The following CSGALNACT1 variants were observed in gnomAD, a reference collection of about 807,000 sequenced individuals.
CSGALNACT1 encodes chondroitin sulfate N-acetylgalactosaminyltransferase 1, also known as beta4GalNAcT-1.
In CSGALNACT1, 52 loss-of-function variants were observed where a neutral mutation model predicts 51.0. The ratio of observed to expected loss-of-function variants is 1.02; its 90% CI spans 0.82 to 1.29. CSGALNACT1 has a LOEUF of 1.29. Among genes scored for constraint, CSGALNACT1 ranks in the 50% most tolerant of loss-of-function variants. CSGALNACT1 has a pLI of 0.00. For synonymous variants in CSGALNACT1, 341 were observed against 254.4 expected (o/e 1.34, Z -3.24); for missense variants, 935 against 679.2 (o/e 1.38, Z -4.19).
chr8:19,529,985 C>G (rs2082423028), intron 3 of CSGALNACT1, among the ~76,000 whole-genome samples: 1 of 152,094 alleles, frequency 6.6e-6, no homozygotes, highest in Non-Finnish European at 1.5e-5. Flanking sequence ...CTTAGGAAGG[C>G]TGAGGTGAGC....
intron 3 of CSGALNACT1, among the ~76,000 whole-genome samples, chr8:19,555,689 A>G (rs1221117913): frequency 3.3e-5 from 5 of 152,198 alleles, no homozygotes; most frequent in Admixed American, 6.5e-5. Flanking sequence ...TTCACTTAGC[A>G]TGTTACGGGT....
intron 3 of CSGALNACT1, among the ~76,000 whole-genome samples, chr8:19,507,198 G>A (rs2077500311): frequency 6.6e-6 from 1 of 152,210 alleles, no homozygotes; most frequent in Non-Finnish European, 1.5e-5. Flanking sequence ...GAAGGGATGA[G>A]GATGGGAGAA....
At position 19,506,016 on chromosome 8, in the gene CSGALNACT1, C is replaced by T. The variant is rs546680611; in HGVS notation, c.-182G>A. The T allele has an allele frequency of 2.9e-4, 212 of 730,514 alleles. 4 individuals are homozygous for T. In the African/African-American group the frequency reaches 3.3e-3, roughly 11 times the overall value. The allele number at this position is 730,514 out of a possible 1,614,324, so 45.3% of individuals were successfully genotyped here. A position where few individuals can be genotyped will look rare whatever the true frequency, so the allele number is the denominator to read the frequency against. ...TTAACCACCACACAGAGCAGCTTCT[C>T]TACTTTTAAAGGATGATCTTGCAGG... On this transcript the variant is annotated 5_prime_UTR_variant, in exon 4 of 10. Transcript: ENST00000454498.
At position 19,620,314 on chromosome 8, in the gene CSGALNACT1, C is replaced by CA. The variant is rs35145827; in HGVS notation, c.-543-18450dup. 1.5e-3 allele frequency among the ~76,000 whole-genome samples: 97 copies of CA among 64,734 alleles called. 2 individuals carry two copies. The highest frequency in any genetic ancestry group is 5.6e-3 in the East Asian group (12 of 2,154). 42.5% of individuals were successfully genotyped at this position (64,734 alleles called of 152,430 possible). A position where few individuals can be genotyped will look rare whatever the true frequency, so the allele number is the denominator to read the frequency against. ...TGGGCAACAGAGTGAGACTCTGTCT[C>CA]AAAAAAAAAAAAAAAAAAAAAAAAA... On this transcript the variant is annotated intron_variant, in intron 1 of 9. Coordinates refer to the CSGALNACT1 transcript ENST00000332246.
chr8:19,612,512 G>T (rs765419949), intron 1 of CSGALNACT1, among the ~76,000 whole-genome samples: 5 of 151,786 alleles, frequency 3.3e-5, no homozygotes, highest in Non-Finnish European at 7.4e-5. Context: ...CACCCATAAA[G>T]GCCCAAGAAA....
At chr8:19,686,933 G>T (rs182280005), upstream of CSGALNACT1, among the ~76,000 whole-genome samples, 2 of 152,228 alleles carry the variant, frequency 1.3e-5, no homozygotes, top group Admixed American at 6.5e-5. Flanking sequence ...TTAACGTAAT[G>T]GTTCCCTCTC....
At chr8:19,508,817 A>G (rs1290094814) in intron 3 of CSGALNACT1, among the ~76,000 whole-genome samples, 1 of 152,260 alleles carries the variant, frequency 6.6e-6, no homozygotes, top group Non-Finnish European at 1.5e-5. Flanking sequence ...GATGAAAAGC[A>G]TGTTGGCTAA....
At chr8:19,648,856 A>G (rs2057516796) in intron 1 of CSGALNACT1, among the ~76,000 whole-genome samples, 1 of 152,230 alleles carries the variant, frequency 6.6e-6, no homozygotes, top group Non-Finnish European at 1.5e-5. Flanking sequence ...TTAACAGAGA[A>G]GTGGATAAAT....
At chr8:19,612,437 C>G (rs1014970898) in intron 1 of CSGALNACT1, among the ~76,000 whole-genome samples, 6 of 152,060 alleles carry the variant, frequency 3.9e-5, no homozygotes, top group African/African-American at 1.4e-4. Context: ...CCAGACACCT[C>G]CCCATCCCCG....
intron 2 of CSGALNACT1, among the ~76,000 whole-genome samples, chr8:19,599,673 G>A (rs1278812147): frequency 6.6e-6 from 1 of 152,154 alleles, no homozygotes; most frequent in African/African-American, 2.4e-5. Context: ...CAAAGTTATA[G>A]GATGTTTCTG....
intron 3 of CSGALNACT1, among the ~76,000 whole-genome samples, chr8:19,543,168 C>T (rs2085645210): frequency 6.6e-6 from 1 of 152,172 alleles, no homozygotes; most frequent in African/African-American, 2.4e-5. Context: ...CAGATACTAT[C>T]ATTTTCAGCT....
chr8:19,718,345 A>T lies in CSGALNACT1; in HGVS notation c.-297+39505T>A, dbSNP rs530233286. Among the ~76,000 whole-genome samples the T allele has an allele frequency of 2.7e-3, 415 of 152,066 alleles. 2 individuals are homozygous for T. The highest frequency in any genetic ancestry group is 0.014 in the Middle Eastern group (4 of 292). On this transcript the variant is annotated intron_variant, in intron 1 of 1. Transcript: ENST00000517494. The stretch of plus-strand genomic sequence containing the variant: ...TTGAACTCCTGAACTCAAGTGATCC[A>T]CCCACCTCAGCCTCCCAAAGTGCTG...
At position 19,709,810 on chromosome 8, in the gene CSGALNACT1, A is replaced by G. The variant is rs374519680; in HGVS notation, c.-297+48040T>C. 1.6e-3 allele frequency among the ~76,000 whole-genome samples: 249 copies of G among 152,248 alleles called. 1 individual carries two copies. Among genetic ancestry groups the G allele is most frequent in the African/African-American group, 5.9e-3 (245 of 41,562 alleles). On this transcript the variant is annotated intron_variant, in intron 1 of 1. Transcript: ENST00000517494. ...CCCAGGTATGTCTAATGCACAGCGC[A>G]GGATGACAGGCAGGTCAGGTAAGAT...
exon 10 of CSGALNACT1, chr8:19,404,799 G>A: frequency 2.2e-6 from 1 of 454,518 alleles, no homozygotes; most frequent in Non-Finnish European, 4.4e-6. Flanking sequence ...GATATCACCA[G>A]TCTGAATGAG....
chr8:19,507,237 C>G (rs527697039), intron 3 of CSGALNACT1, among the ~76,000 whole-genome samples: 3 of 152,208 alleles, frequency 2.0e-5, no homozygotes, highest in South Asian at 4.1e-4. Context: ...GAAATACTGT[C>G]CTGTTGGGAC....
chr8:19,701,932 T>A (rs1249941013), intron 1 of CSGALNACT1, among the ~76,000 whole-genome samples: 1 of 152,206 alleles, frequency 6.6e-6, no homozygotes, highest in Non-Finnish European at 1.5e-5. Context: ...AGCAGCTTTG[T>A]TGATTCATTA....
chr8:19,727,246 G>C lies in CSGALNACT1; in HGVS notation c.-297+30604C>G, dbSNP rs1374884245. 2.0e-5 allele frequency among the ~76,000 whole-genome samples: 3 copies of C among 152,188 alleles called. No individual in the cohort carries two copies. In the East Asian group the frequency reaches 5.8e-4, roughly 29 times the overall value. On this transcript the variant is annotated intron_variant, in intron 1 of 1. Coordinates refer to the CSGALNACT1 transcript ENST00000517494. Reference sequence around the variant, plus strand: ...AGAAAAAAAATGTCCAGTGGAATTAGGAGTGACTTCTCCCTTTAACTATTT... The same window carrying C: ...AGAAAAAAAATGTCCAGTGGAATTACGAGTGACTTCTCCCTTTAACTATTT...
chr8:19,670,925 C>A (rs1364074976), intron 1 of CSGALNACT1, among the ~76,000 whole-genome samples: 1 of 152,078 alleles, frequency 6.6e-6, no homozygotes, highest in Non-Finnish European at 1.5e-5. Flanking sequence ...CCACAAGTGC[C>A]ATGGGGACTT....
At chr8:19,650,649 C>T (rs756226462) in intron 1 of CSGALNACT1, among the ~76,000 whole-genome samples, 20 of 152,076 alleles carry the variant, frequency 1.3e-4, no homozygotes, top group African/African-American at 3.9e-4. Context: ...ACAGTGGGGA[C>T]GCTCCCAGGA....
Sources: gnomAD v4.1 joint callset for allele counts (sites outside exome capture counted in the v4.1 genomes callset) on GRCh38, gnomAD v4.1.1 for gene constraint, MANE v1.5 for transcripts, NCBI Gene and HGNC (gene_info 2026-07-23, HGNC 2026-07-21) for gene names.